CRYBG1: variants seen among roughly 807,000 people sequenced by gnomAD.
CRYBG1 encodes crystallin beta-gamma domain containing 1.
CRYBG1 carries 139 observed loss-of-function variants against 189.2 expected under a neutral mutation model. The observed-to-expected ratio is 0.73, with a 90% CI of 0.64 to 0.85. The LOEUF is 0.85. CRYBG1 is among the 40% of genes least tolerant of loss of function. CRYBG1 has a pLI of 0.00. For missense variants in CRYBG1, 2,611 were observed against 2,675.8 expected (o/e 0.98, Z 0.53); for synonymous variants, 1,023 against 1,017.1 (o/e 1.01, Z -0.11).
chr6:106,507,989 A>G (rs143048068), intron 2 of CRYBG1, among the ~76,000 whole-genome samples: 6 of 152,316 alleles, frequency 3.9e-5, no homozygotes, highest in African/African-American at 7.2e-5. Context: ...GCTCACATCT[A>G]TCATCCCAGC....
At chr6:106,375,385 T>TTAAGTAAGTAAGTAAG (rs3067978) in intron 1 of CRYBG1, among the ~76,000 whole-genome samples, 1 of 144,982 alleles carries the variant, frequency 6.9e-6, no homozygotes. Flanking sequence ...GGCCCTGTCT[T>TTAAGTAAGTAAGTAAG]TAAGTAAGTA....
At chr6:106,377,645 ATATT>A (rs1562290490) in intron 1 of CRYBG1, among the ~76,000 whole-genome samples, 16 of 136,918 alleles carry the variant, frequency 1.2e-4, no homozygotes, top group Middle Eastern at 4.1e-3. Context: ...ATATATATAT[ATATT>A]TTCATTTGCA....
chr6:106,543,408 C>T (rs752453969), intron 10 of CRYBG1, 32 bp from the exon 11 acceptor site: 4 of 1,569,854 alleles, frequency 2.5e-6, no homozygotes, highest in Non-Finnish European at 3.5e-6. Context: ...ATACTTCTTA[C>T]AGATTACTGG....
rs543523039 is a variant in CRYBG1, at chr6:106,549,672, G to A, written c.5313-2180G>A. ...GGGGGATGGGGGGTGGTAGGGGGCT[G>A]TATTTCCTGAAAGACTGAGTGGTGC... is the stretch of plus-strand genomic sequence containing the variant. On this transcript the variant is annotated intron_variant, in intron 13 of 21. Transcript: ENST00000633556. Among the ~76,000 whole-genome samples, 3 of 152,290 alleles carry A rather than the reference G, an allele frequency of 2.0e-5. No individual in the cohort carries two copies. In the East Asian group the frequency reaches 5.8e-4, roughly 29 times the overall value.
chr6:106,539,480 T>C lies in CRYBG1; in HGVS notation c.4796T>C (p.Phe1599Ser). The stretch of plus-strand genomic sequence containing the variant: ...CCTGGTGAATACCCTGACTTGTCCT[T>C]CTGGGATACAGAAGAAGCGTACATT... ...LEPGEYPDLS[F>S]WDTEEAYIGS... The change falls in exon 9 of 22, where the codon TTC becomes TCC. Residue 1599 changes from phenylalanine (F) to serine (S), a missense_variant. By Grantham distance (155) the Phe-to-Ser change is radical. This residue lies in a region of CRYBG1 where 1,622 missense variants were observed against 1,735.0 expected (regional missense o/e 0.93). Coordinates refer to ENST00000633556, the MANE Select transcript of CRYBG1 (RefSeq NM_001371242.2). 6.2e-7 allele frequency: 1 copy of C among 1,613,974 alleles called. No individual in the cohort carries two copies. Among genetic ancestry groups the C allele is most frequent in the Non-Finnish European group, 8.5e-7 (1 of 1,179,916 alleles).
rs1562098205 is a variant in CRYBG1 at position 106,516,000 on chromosome 6, GGGCT to G, written c.1922+2964_1922+2967del. On this transcript the variant is annotated intron_variant, in intron 3 of 21. Coordinates refer to ENST00000633556, the MANE Select transcript of CRYBG1 (RefSeq NM_001371242.2). Reference sequence around the variant, plus strand: ...GAGACAGGATTTTGCCATGTTCCCCGGGCTGGTCTCAAACTCCTGGGTTCAAGTG... The same window carrying G: ...GAGACAGGATTTTGCCATGTTCCCCGGGTCTCAAACTCCTGGGTTCAAGTG... Among the ~76,000 whole-genome samples the G allele has an allele frequency of 3.1e-3, 466 of 151,482 alleles. 6 individuals carry two copies. The highest frequency in any genetic ancestry group is 0.011 in the African/African-American group (445 of 41,286).
intron 1 of CRYBG1, among the ~76,000 whole-genome samples, chr6:106,410,179 A>C (rs1268677395): frequency 1.3e-5 from 2 of 152,342 alleles, no homozygotes; most frequent in East Asian, 3.9e-4. Context: ...ATTCACAAGA[A>C]AAAAACAACC....
At chr6:106,558,725 G>T (rs1774622642) in intron 18 of CRYBG1, 100 bp downstream of exon 18, 1 of 922,604 alleles carries the variant, frequency 1.1e-6, no homozygotes, top group South Asian at 2.6e-5. Context: ...CACTTTAGGA[G>T]GCCGAGGTAG....
chr6:106,439,891 G>A (rs1771536399), intron 1 of CRYBG1, among the ~76,000 whole-genome samples: 1 of 152,150 alleles, frequency 6.6e-6, no homozygotes, highest in Non-Finnish European at 1.5e-5. Flanking sequence ...ATAGTACTAG[G>A]TGCAACTATA....
chr6:106,406,813 A>T (rs1002593595), intron 1 of CRYBG1, among the ~76,000 whole-genome samples: 1 of 152,208 alleles, frequency 6.6e-6, no homozygotes, highest in African/African-American at 2.4e-5. Context: ...TGAGAAATAA[A>T]ATCCTTTGCA....
Position 106,386,584 on chromosome 6 carries a change from C to T in CRYBG1, c.173+25503C>T, listed in dbSNP as rs929678879. Among the ~76,000 whole-genome samples, 6 of 152,194 alleles carry T rather than the reference C, an allele frequency of 3.9e-5. No individual in the cohort carries two copies. The South Asian group carries it at 6.2e-4, about 16-fold the overall frequency. On this transcript the variant is annotated intron_variant, in intron 1 of 21. Transcript: ENST00000633556. ...CTGTATTTGCACCTGCTCCCCAGTG[C>T]GTGCATCACTGCCCCAGCTCCACCT...
intron 1 of CRYBG1, among the ~76,000 whole-genome samples, chr6:106,425,688 A>G (rs1262038748): frequency 1.3e-5 from 2 of 152,124 alleles, no homozygotes; most frequent in African/African-American, 2.4e-5. Flanking sequence ...CTGGAGTGCA[A>G]TGGCGTGATC....
intron 6 of CRYBG1, 46 bp from the exon 7 acceptor site, chr6:106,527,259 T>A: frequency 6.6e-7 from 1 of 1,525,080 alleles, no homozygotes; most frequent in Non-Finnish European, 8.8e-7. Context: ...AATCAAAACC[T>A]CTCTCACGAA....
intron 1 of CRYBG1, among the ~76,000 whole-genome samples, chr6:106,390,010 T>G (rs898838092): frequency 2.3e-4 from 35 of 152,282 alleles, no homozygotes; most frequent in African/African-American, 8.4e-4. Flanking sequence ...TGTTTTTGTA[T>G]GCCTATGCTG....
chr6:106,433,230 G>C (rs990113903), intron 1 of CRYBG1, among the ~76,000 whole-genome samples: 1 of 152,202 alleles, frequency 6.6e-6, no homozygotes, highest in South Asian at 2.1e-4. Context: ...CAGGGTTGCT[G>C]TGAGGATAAA....
intron 1 of CRYBG1, among the ~76,000 whole-genome samples, chr6:106,427,904 A>G (rs919884615): frequency 2.0e-5 from 3 of 152,102 alleles, no homozygotes; most frequent in Non-Finnish European, 2.9e-5. Context: ...TCTGGACCGC[A>G]TCGAGCTCAA....
intron 8 of CRYBG1, among the ~76,000 whole-genome samples, chr6:106,536,562 C>G (rs1774008178): frequency 6.6e-6 from 1 of 152,174 alleles, no homozygotes; most frequent in Non-Finnish European, 1.5e-5. Flanking sequence ...TGTTTAAGAG[C>G]AAGTGAACAA....
chr6:106,550,718 TG>T (rs1314164512), intron 13 of CRYBG1, among the ~76,000 whole-genome samples: 1 of 152,238 alleles, frequency 6.6e-6, no homozygotes, highest in African/African-American at 2.4e-5. Flanking sequence ...CAGTGTGGTT[TG>T]TTGTGTAATA....
intron 1 of CRYBG1, among the ~76,000 whole-genome samples, chr6:106,365,994 A>C (rs1260979674): frequency 6.6e-6 from 1 of 152,208 alleles, no homozygotes; most frequent in African/African-American, 2.4e-5. Context: ...TATAAAGAGA[A>C]AACAACTAAC....
Sources: allele counts gnomAD v4.1 joint callset (sites outside exome capture counted in the v4.1 genomes callset), GRCh38; gene constraint gnomAD v4.1.1; regional missense constraint gnomAD v4.1.1; transcripts MANE v1.5; gene names NCBI Gene and HGNC (gene_info 2026-07-23, HGNC 2026-07-21).